Variants in ATP1B1 observed in about 807,000 individuals in gnomAD.
The protein encoded by ATP1B1 is ATPase Na+/K+ transporting subunit beta 1.
ATP1B1 carries 3 observed loss-of-function variants against 39.6 expected under a neutral mutation model. The observed-to-expected ratio is 0.08, with a 90% CI of 0.03 to 0.20. The LOEUF is 0.20. Among genes scored for constraint, ATP1B1 ranks in the 10% least tolerant of loss-of-function variants. The pLI, the probability that ATP1B1 is intolerant of heterozygous loss-of-function variation, is 1.00. For synonymous variants in ATP1B1, 139 were observed against 135.0 expected, an observed-to-expected ratio of 1.03 and a Z score of -0.20; for missense variants, 216 against 371.1, an observed-to-expected ratio of 0.58 and a Z score of 3.43.
chr1:169,119,028 A>G lies in ATP1B1; in HGVS notation c.227-5856A>G, dbSNP rs182289092. Among the ~76,000 whole-genome samples the G allele has an allele frequency of 1.1e-3, 165 of 152,312 alleles. 2 individuals are homozygous for G. The highest frequency in any genetic ancestry group is 3.8e-3 in the African/African-American group (158 of 41,566). ...AAATGATGAACTTGCTACATTATAA[A>G]CCTAAAGAAACAAAATCCTTTCCCT... On this transcript the variant is annotated intron_variant, in intron 2 of 5. Transcript: ENST00000367815.
chr1:169,112,130 C>T (rs956520152), intron 2 of ATP1B1, among the ~76,000 whole-genome samples: 2 of 152,214 alleles, frequency 1.3e-5, no homozygotes, highest in Non-Finnish European at 2.9e-5. Context: ...ATCTCATTTG[C>T]CAGCTTTCTG....
chr1:169,124,906 C>A lies in ATP1B1; in HGVS notation c.249C>A (p.Ile83=). Reference sequence around the variant, plus strand: ...TAGGATTAACACAGATTCCTCAGATCCAGAAGACTGAAATTTCCTTTCGTC... The same window carrying A: ...TAGGATTAACACAGATTCCTCAGATACAGAAGACTGAAATTTCCTTTCGTC... ...APPGLTQIPQ[I]QKTEISFRPN... Residue 83 remains isoleucine (I), a synonymous_variant, in exon 3 of 6, where the codon ATC becomes ATA. Coordinates refer to ENST00000367815, the MANE Select transcript of ATP1B1 (RefSeq NM_001677.4). 6.2e-7 allele frequency: 1 copy of A among 1,613,952 alleles called. No individual in the cohort carries two copies. The highest frequency in any genetic ancestry group is 8.5e-7 in the Non-Finnish European group (1 of 1,179,906).
intron 2 of ATP1B1, among the ~76,000 whole-genome samples, chr1:169,114,899 AAAAG>A (rs1332647657): frequency 6.6e-6 from 1 of 152,078 alleles, no homozygotes; most frequent in East Asian, 1.9e-4. Flanking sequence ...CTGTTAAAAA[AAAAG>A]GGGTGGGGCC....
At chr1:169,110,635 GA>G in intron 1 of ATP1B1, 2 of 1,279,318 alleles carry the variant, frequency 1.6e-6, no homozygotes, top group South Asian at 1.3e-5. Flanking sequence ...TTAACTATGG[GA>G]AAAAGAAAAT....
chr1:169,123,629 A>C (rs947535734), intron 2 of ATP1B1, among the ~76,000 whole-genome samples: 3 of 149,710 alleles, frequency 2.0e-5, no homozygotes, highest in Non-Finnish European at 4.4e-5. Flanking sequence ...ATCTATCTAT[A>C]TATATAGGTT....
intron 2 of ATP1B1, among the ~76,000 whole-genome samples, chr1:169,117,019 TCTCA>T (rs1471512150): frequency 2.0e-5 from 3 of 152,218 alleles, no homozygotes; most frequent in African/African-American, 7.2e-5. Flanking sequence ...TATTACTATC[TCTCA>T]CTCACACTTC....
chr1:169,128,125 G>A (rs1658126380), intron 4 of ATP1B1, among the ~76,000 whole-genome samples: 1 of 152,092 alleles, frequency 6.6e-6, no homozygotes, highest in African/African-American at 2.4e-5. Context: ...TGTAAAGCTG[G>A]TCATTTCATC....
Position 169,127,301 on chromosome 1 carries a change from G to A in ATP1B1, c.460G>A (p.Glu154Lys). ...GCGAAAGGTCTGCAGATTCAAGCTT[G>A]AATGGCTGGGAAATTGCTCTGGATT... Reference protein sequence around the residue: ...GERKVCRFKLEWLGNCSGLND... With the variant: ...GERKVCRFKLKWLGNCSGLND... The change falls in exon 4 of 6, where the codon GAA becomes AAA. Residue 154 changes from glutamate to lysine, a missense_variant. Glu to Lys is a moderately conservative substitution (Grantham distance 56). Transcript: ENST00000367815. The A allele has an allele frequency of 6.2e-7, 1 of 1,610,496 alleles. No individual in the cohort carries two copies. Among genetic ancestry groups the A allele is most frequent in the Non-Finnish European group, 8.5e-7 (1 of 1,178,742 alleles).
In ATP1B1 at chr1:169,131,578, C is replaced by A. The variant is rs1376953338; in HGVS notation, c.*23C>A. Reference sequence around the variant, plus strand: ...TGATCACAAGCACAAATCTTTCCCACTAGCCATTTAATAAGTTAAAAAAAG... The same window carrying A: ...TGATCACAAGCACAAATCTTTCCCAATAGCCATTTAATAAGTTAAAAAAAG... On this transcript the variant is annotated 3_prime_UTR_variant, in exon 6 of 6. Transcript: ENST00000367815. The surrounding 1 kb of genome is among the most constrained non-coding windows in gnomAD (Gnocchi z 4.4). 6.3e-7 allele frequency: 1 copy of A among 1,587,894 alleles called. No individual in the cohort carries two copies. Among genetic ancestry groups the A allele is most frequent in the African/African-American group, 1.4e-5 (1 of 73,438 alleles).
At chr1:169,109,256 A>C (rs1200701877) in intron 1 of ATP1B1, among the ~76,000 whole-genome samples, 2 of 152,028 alleles carry the variant, frequency 1.3e-5, no homozygotes, top group South Asian at 4.2e-4. Context: ...TTCCAAAAAA[A>C]CCTCTGTATT....
At chr1:169,128,806 C>T (rs1461798428) in intron 4 of ATP1B1, among the ~76,000 whole-genome samples, 1 of 152,192 alleles carries the variant, frequency 6.6e-6, no homozygotes, top group Non-Finnish European at 1.5e-5. Context: ...GCAGTCTAGT[C>T]TATTGTGATT....
chr1:169,123,522 TAATA>T (rs1183913247), intron 2 of ATP1B1, among the ~76,000 whole-genome samples: 1 of 151,880 alleles, frequency 6.6e-6, no homozygotes, highest in Admixed American at 6.6e-5. Flanking sequence ...TTGCCAGATT[TAATA>T]AATAAAAATA....
intron 1 of ATP1B1, 28 bp from the exon 2 acceptor site, chr1:169,111,342 C>T: frequency 6.2e-7 from 1 of 1,613,358 alleles, no homozygotes; most frequent in South Asian, 1.1e-5. Context: ...GACTGCATCA[C>T]AGCTTTTTGT....
intron 2 of ATP1B1, 68 bp from the exon 3 acceptor site, chr1:169,124,816 G>C: frequency 6.5e-7 from 1 of 1,540,902 alleles, no homozygotes. Flanking sequence ...TTTGTATGTG[G>C]AAAGTCTACT....
At position 169,131,913 on chromosome 1, in the gene ATP1B1, T is replaced by G. The variant is rs912067800; in HGVS notation, c.*358T>G. The G allele has an allele frequency of 3.0e-6, 1 of 333,276 alleles. No homozygotes were observed. Among genetic ancestry groups the G allele is most frequent in the Non-Finnish European group, 5.6e-6 (1 of 180,000 alleles). 20.6% of individuals were successfully genotyped at this position (333,276 alleles called of 1,614,324 possible). ...TGTACAGTACTACAGGTGCATACTC[T>G]GGTCATTTTTCAAGCCATGTTTTAT... On this transcript the variant is annotated 3_prime_UTR_variant, in exon 6 of 6. Coordinates refer to ENST00000367815, the MANE Select transcript of ATP1B1 (RefSeq NM_001677.4). This position sits in a 1 kb window ranked among gnomAD's most constrained non-coding sequence, Gnocchi z 4.4.
chr1:169,111,892 G>T (rs1185987333), intron 2 of ATP1B1, among the ~76,000 whole-genome samples: 7 of 152,260 alleles, frequency 4.6e-5, no homozygotes, highest in Admixed American at 4.6e-4. Context: ...TACTTCTTGA[G>T]GGGGGCTATG....
intron 4 of ATP1B1, among the ~76,000 whole-genome samples, chr1:169,129,597 A>G (rs1389979857): frequency 6.6e-6 from 1 of 152,360 alleles, no homozygotes; most frequent in Non-Finnish European, 1.5e-5. Context: ...TTATTTATTC[A>G]TGACTCAGGA....
Position 169,132,509 on chromosome 1 carries a change from G to T in ATP1B1, c.*954G>T. 2.3e-6 allele frequency: 1 copy of T among 433,100 alleles called. No homozygotes were observed. The highest frequency in any genetic ancestry group is 2.0e-5 in the African/African-American group (1 of 48,930). The allele number at this position is 433,100 out of a possible 1,614,324, so 26.8% of individuals were successfully genotyped here. A position where few individuals can be genotyped will look rare whatever the true frequency, so the allele number is the denominator to read the frequency against. ...TTTTTTCTGCAAGAAAAAGTGTAAT[G>T]TATGAAATAAACCAAAGTCACTTGT... On this transcript the variant is annotated 3_prime_UTR_variant, in exon 6 of 6. Coordinates refer to ENST00000367815, the MANE Select transcript of ATP1B1 (RefSeq NM_001677.4).
intron 2 of ATP1B1, among the ~76,000 whole-genome samples, chr1:169,114,087 C>T (rs1657784456): frequency 7.2e-6 from 1 of 138,396 alleles, no homozygotes; most frequent in Non-Finnish European, 1.6e-5. Context: ...CCGGCTGCCA[C>T]AAAGTGCAGC....
Sources: allele counts gnomAD v4.1 joint callset (sites outside exome capture counted in the v4.1 genomes callset), GRCh38; gene constraint gnomAD v4.1.1; non-coding constraint Gnocchi (gnomAD v3.1); transcripts MANE v1.5; gene names NCBI Gene and HGNC (gene_info 2026-07-23, HGNC 2026-07-21).